The following GLIS3 variants were observed in gnomAD, a reference collection of about 807,000 sequenced individuals.
GLIS3 encodes the protein GLIS family zinc finger 3.
Under a neutral mutation model 78.6 loss-of-function variants are expected in GLIS3, and 53 were observed. The observed-to-expected ratio is 0.67, with a 90% CI of 0.54 to 0.85. GLIS3 has a LOEUF of 0.85. GLIS3 is among the 40% of genes least tolerant of loss of function. GLIS3 has a pLI of 0.00. For synonymous variants in GLIS3, 684 were observed against 509.9 expected, an observed-to-expected ratio of 1.34 and a Z score of -4.60; for missense variants, 1,703 against 1,231.1, an observed-to-expected ratio of 1.38 and a Z score of -5.74.
At chr9:4,092,033 T>C (rs1389777034) in intron 4 of GLIS3, among the ~76,000 whole-genome samples, 1 of 152,174 alleles carries the variant, frequency 6.6e-6, no homozygotes, top group African/African-American at 2.4e-5. Flanking sequence ...CGTGAGACCC[T>C]AGGACATTCC....
At chr9:4,062,860 C>T (rs942030553) in intron 4 of GLIS3, among the ~76,000 whole-genome samples, 4 of 151,476 alleles carry the variant, frequency 2.6e-5, no homozygotes, top group East Asian at 3.9e-4. Context: ...ACCCAGGAGG[C>T]GGAGCTTGCA....
chr9:3,848,975 C>T (rs1819234474), intron 9 of GLIS3, among the ~76,000 whole-genome samples: 1 of 152,178 alleles, frequency 6.6e-6, no homozygotes, highest in South Asian at 2.1e-4. Context: ...CCACAGGAGC[C>T]GTGAACAACA....
intron 2 of GLIS3, among the ~76,000 whole-genome samples, chr9:4,265,164 G>A (rs1395206404): frequency 3.3e-4 from 41 of 124,946 alleles, no homozygotes; most frequent in East Asian, 1.0e-3. Flanking sequence ...AGAGTGAGAC[G>A]CCGTCTCAAA....
the GLIS3 span, among the ~76,000 whole-genome samples, chr9:4,377,232 T>G: frequency 1.6e-3 from 219 of 135,270 alleles, 44 homozygotes; most frequent in African/African-American, 5.5e-3. Context: ...GTGGCCACCA[T>G]CCAACTGGCT....
intron 4 of GLIS3, among the ~76,000 whole-genome samples, chr9:3,999,157 T>C (rs1045876948): frequency 1.3e-5 from 2 of 152,190 alleles, no homozygotes; most frequent in African/African-American, 4.8e-5. Flanking sequence ...TGTATGGCTA[T>C]GCCATGGTAA....
chr9:4,238,724 T>C lies in GLIS3; in HGVS notation c.388+47314A>G, dbSNP rs550119195. Among the ~76,000 whole-genome samples the C allele has an allele frequency of 3.3e-5, 5 of 152,330 alleles. No individual in the cohort carries two copies. The South Asian group carries it at 8.3e-4, about 25-fold the overall frequency. ...GAGTCAGACACCTTCTTATCCACTA[T>C]ACTGTGTGCCCACTTGACATCTTTC... On this transcript the variant is annotated intron_variant, in intron 2 of 10. Transcript: ENST00000381971.
chr9:4,332,184 T>C (rs1189109807), intron 2 of GLIS3, among the ~76,000 whole-genome samples: 3 of 152,128 alleles, frequency 2.0e-5, no homozygotes, highest in Admixed American at 6.5e-5. Flanking sequence ...AATCCCAAAA[T>C]AGAAGAAAAT....
At chr9:4,112,142 G>A (rs544303192) in intron 4 of GLIS3, among the ~76,000 whole-genome samples, 57 of 152,292 alleles carry the variant, frequency 3.7e-4, no homozygotes, top group Non-Finnish European at 6.8e-4. Flanking sequence ...TGGCAACAAT[G>A]TATACATGGT....
the GLIS3 span, among the ~76,000 whole-genome samples, chr9:4,465,259 G>A: frequency 2.0e-5 from 3 of 152,166 alleles, no homozygotes; most frequent in Non-Finnish European, 2.9e-5. Flanking sequence ...TCTAAATAAC[G>A]ATAATAGGCC....
chr9:4,334,725 A>G (rs895022105), intron 2 of GLIS3, among the ~76,000 whole-genome samples: 3 of 152,106 alleles, frequency 2.0e-5, no homozygotes, highest in Admixed American at 1.3e-4. Flanking sequence ...TATGAGTCAC[A>G]GCATTCATTC....
intron 4 of GLIS3, among the ~76,000 whole-genome samples, chr9:3,954,894 C>T (rs1202437280): frequency 6.6e-6 from 1 of 152,110 alleles, no homozygotes; most frequent in Non-Finnish European, 1.5e-5. Context: ...ATGCCTTTGA[C>T]GATCTGGAAT....
chr9:3,973,555 T>TC (rs1225315750), intron 4 of GLIS3, among the ~76,000 whole-genome samples: 2 of 152,172 alleles, frequency 1.3e-5, no homozygotes, highest in Admixed American at 1.3e-4. Context: ...TTGGGCGAAG[T>TC]CAAGTTCTTT....
rs1263579866 is a variant in GLIS3 at position 3,824,514 on chromosome 9, C to A, written c.*3758G>T. The stretch of plus-strand genomic sequence containing the variant: ...TTTTATTCTGTACCAAGTGCACAAT[C>A]CCTTCATTTTACTTTTGACATAAAA... On this transcript the variant is annotated 3_prime_UTR_variant, in exon 11 of 11. Transcript: ENST00000381971. 2 of 152,176 alleles carry A rather than the reference C, an allele frequency of 1.3e-5. 1 individual carries two copies. 9.4% of individuals were successfully genotyped at this position (152,176 alleles called of 1,614,324 possible).
At chr9:3,940,484 C>A (rs749658304) in intron 4 of GLIS3, among the ~76,000 whole-genome samples, 5 of 152,132 alleles carry the variant, frequency 3.3e-5, no homozygotes, top group Non-Finnish European at 5.9e-5. Flanking sequence ...CTGGACAACT[C>A]CTACCCAAAT....
At chr9:4,478,612 A>AC in the GLIS3 span, among the ~76,000 whole-genome samples, 1 of 152,078 alleles carries the variant, frequency 6.6e-6, no homozygotes, top group Non-Finnish European at 1.5e-5. Context: ...ATCTAAAAAA[A>AC]AAAAAACATC....
At chr9:4,377,834 G>A in the GLIS3 span, among the ~76,000 whole-genome samples, 1 of 151,974 alleles carries the variant, frequency 6.6e-6, no homozygotes, top group Non-Finnish European at 1.5e-5. Flanking sequence ...GGCAATGGAG[G>A]AAAAAACAGT....
the GLIS3 span, among the ~76,000 whole-genome samples, chr9:4,416,812 GT>G: frequency 2.0e-3 from 191 of 95,798 alleles, no homozygotes; most frequent in Middle Eastern, 0.015. Flanking sequence ...CCCATAGTCA[GT>G]TTTTTTTTTT....
intron 2 of GLIS3, among the ~76,000 whole-genome samples, chr9:4,215,517 G>A (rs890062884): frequency 6.6e-6 from 1 of 152,132 alleles, no homozygotes; most frequent in African/African-American, 2.4e-5. Context: ...ACTCTACTAA[G>A]AAAAGATTCC....
the GLIS3 span, among the ~76,000 whole-genome samples, chr9:4,374,365 T>C: frequency 3.3e-5 from 5 of 152,370 alleles, no homozygotes; most frequent in African/African-American, 1.2e-4. Flanking sequence ...TACTTTTGAC[T>C]GTTCTCCGGG....
Sources: allele counts gnomAD v4.1 joint callset (sites outside exome capture counted in the v4.1 genomes callset), GRCh38; gene constraint gnomAD v4.1.1; transcripts MANE v1.5; gene names NCBI Gene and HGNC (gene_info 2026-07-23, HGNC 2026-07-21).